Variants in AJUBA observed in about 807,000 individuals in gnomAD.
AJUBA encodes ajuba LIM protein.
A neutral mutation model predicts 53.3 loss-of-function variants in AJUBA; 20 were observed. The observed-to-expected ratio is 0.38, with a 90% CI of 0.26 to 0.55. The LOEUF (loss-of-function observed/expected upper bound fraction) is 0.55, where lower values mean the gene tolerates loss of function less well. AJUBA is among the 20% of genes least tolerant of loss of function. AJUBA has a pLI of 0.80. For missense variants in AJUBA, 580 were observed against 730.5 expected (o/e 0.79, Z 2.38); for synonymous variants, 296 against 306.2 (o/e 0.97, Z 0.35).
rs528265179 is a variant in AJUBA at position 22,982,471 on chromosome 14, G to T, written c.-205C>A. On this transcript the variant is annotated 5_prime_UTR_variant, in exon 1 of 8. Coordinates refer to ENST00000262713, the MANE Select transcript of AJUBA (RefSeq NM_032876.6). ...GGGCTGCGTCCCCCCGCGCATCTGG[G>T]GCTGAGCGGGGCTAGCAGGGTCTCT... 452 of 1,425,016 alleles carry T rather than the reference G, an allele frequency of 3.2e-4. 4 individuals carry two copies. The African/African-American group carries it at 5.8e-3, about 18-fold the overall frequency. 88.3% of individuals were successfully genotyped at this position (1,425,016 alleles called of 1,614,324 possible).
In AJUBA at chr14:22,973,239, GCC is replaced by G. The variant is rs890483335; in HGVS notation, c.*202_*203del. 8 of 771,940 alleles carry G rather than the reference GCC, an allele frequency of 1.0e-5. No individual in the cohort carries two copies. The African/African-American group carries it at 1.4e-4, about 14-fold the overall frequency. The allele number at this position is 771,940 out of a possible 1,614,324, so 47.8% of individuals were successfully genotyped here. A position where few individuals can be genotyped will look rare whatever the true frequency, so the allele number is the denominator to read the frequency against. ...TGCACACATGGGAAAAAGGCCAGTC[GCC>G]CCCACCCTGGTAAATATAAGGTTTC... On this transcript the variant is annotated 3_prime_UTR_variant, in exon 8 of 8. Coordinates refer to ENST00000262713, the MANE Select transcript of AJUBA (RefSeq NM_032876.6).
chr14:22,980,699 G>A (rs969987184), intron 1 of AJUBA: 2 of 984,538 alleles, frequency 2.0e-6, no homozygotes, highest in Admixed American at 6.2e-5. Flanking sequence ...ACTACTCCGC[G>A]TATGCTAGGG....
chr14:22,974,628 G>A (rs2045017197), intron 6 of AJUBA: 1 of 572,016 alleles, frequency 1.7e-6, no homozygotes, highest in Non-Finnish European at 3.1e-6. Context: ...TAGAAGAGAT[G>A]GAGCCTGGGC....
In AJUBA at chr14:22,981,218, C is replaced by G. The variant is rs375629237; in HGVS notation, c.1006+43G>C. The stretch of plus-strand genomic sequence containing the variant: ...GTCGGGGCAGTGGAGAACCGAATAC[C>G]GTGACGGGTCCCTTCCCGTCCCTAA... On this transcript the variant is annotated intron_variant, in intron 1 of 7. Transcript: ENST00000262713. 1.8e-4 allele frequency: 277 copies of G among 1,542,186 alleles called. 2 individuals are homozygous for G. The East Asian group carries it at 6.2e-3, about 35-fold the overall frequency.
rs2044991652 is a variant in AJUBA at position 22,972,393 on chromosome 14, C to T, written c.*1050G>A. 1 of 152,390 alleles carries T rather than the reference C, an allele frequency of 6.6e-6. No homozygotes were observed. 9.4% of individuals were successfully genotyped at this position (152,390 alleles called of 1,614,324 possible). On this transcript the variant is annotated 3_prime_UTR_variant, in exon 8 of 8. Coordinates refer to ENST00000262713, the MANE Select transcript of AJUBA (RefSeq NM_032876.6). ...GAGTGTGTGTGTGCATGAACACACC[C>T]ACACATGCATACACTGGGCTATATG...
At chr14:22,981,153 C>T (rs574191793) in intron 1 of AJUBA, 108 bp downstream of exon 1, 2 of 1,357,908 alleles carry the variant, frequency 1.5e-6, no homozygotes, top group Admixed American at 2.5e-5. Context: ...CCTAGTCCCG[C>T]GTCTTCACCT....
chr14:22,976,844 TC>T (rs1451368467), intron 2 of AJUBA, 132 bp from the exon 3 acceptor site: 1 of 1,454,410 alleles, frequency 6.9e-7, no homozygotes, highest in East Asian at 2.4e-5. Context: ...CTGCTGTCTG[TC>T]CTTCCCCGCA....
Position 22,979,112 on chromosome 14 carries a change from C to A in AJUBA, c.1007-667G>T. The A allele has an allele frequency of 7.9e-7, 1 of 1,273,146 alleles. No homozygotes were observed. Among genetic ancestry groups the A allele is most frequent in the South Asian group, 1.3e-5 (1 of 78,672 alleles). 78.9% of individuals were successfully genotyped at this position (1,273,146 alleles called of 1,614,324 possible). ...TTGAACAGGAAAGCAGGGAGAGTAG[C>A]AGAGCCCCTGATGCCTCCTAGTCAC... On this transcript the variant is annotated intron_variant, in intron 1 of 7. Transcript: ENST00000262713. This position sits in a 1 kb window ranked among gnomAD's most constrained non-coding sequence, Gnocchi z 4.0.
chr14:22,976,881 A>G, intron 2 of AJUBA, 169 bp from the exon 3 acceptor site: 1 of 1,422,510 alleles, frequency 7.0e-7, no homozygotes, highest in Non-Finnish European at 9.2e-7. Flanking sequence ...ATGCAATTCC[A>G]ATTTGCTTTG....
Position 22,974,863 on chromosome 14 carries a change from A to G in AJUBA, c.1398T>C (p.Cys466=), listed in dbSNP as rs1167647114. 6.2e-7 allele frequency: 1 copy of G among 1,613,290 alleles called. No homozygotes were observed. The highest frequency in any genetic ancestry group is 1.7e-5 in the Admixed American group (1 of 59,980). Residue 466 remains cysteine (C), a synonymous_variant, in exon 6 of 8, where the codon TGT becomes TGC. Transcript: ENST00000262713. ...CCTCAGAGGGGAGGATGGGTTGGCCACAGGCTGCACACTTAGGAGCATAAT... is the reference window on the plus strand; with the variant it reads ...CCTCAGAGGGGAGGATGGGTTGGCCGCAGGCTGCACACTTAGGAGCATAAT... ...HKNYAPKCAA[C]GQPILPSEGC... is the part of the protein sequence containing the mutation.
At chr14:22,976,367 T>A (rs887079993) in intron 4 of AJUBA, 89 bp downstream of exon 4, 2 of 1,355,852 alleles carry the variant, frequency 1.5e-6, no homozygotes, top group African/African-American at 2.9e-5. Context: ...CAGGCTTCTT[T>A]CCCCAACCTT....
rs1177393461 is a variant in AJUBA, at chr14:22,981,741, G to A, written c.526C>T (p.Pro176Ser). ...AACAGGCACGGCCCCGCTGGCAAGG[G>A]GCTCCCGTGGCGCTGGTCGTAGCCC... ...SMGYDQRHGS[P>S]LPAGPCLFGP... The change falls in exon 1 of 8, where the codon CCC becomes TCC. Residue 176 changes from proline to serine, a missense_variant. Around this residue, in one of 2 missense-constraint regions of AJUBA, gnomAD observed 430 missense variants for 471.5 expected, o/e 0.91. Transcript: ENST00000262713. 2 of 1,533,728 alleles carry A rather than the reference G, an allele frequency of 1.3e-6. No homozygotes were observed. The highest frequency in any genetic ancestry group is 1.7e-6 in the Non-Finnish European group (2 of 1,145,274).
chr14:22,978,516 C>T, intron 1 of AJUBA, 71 bp from the exon 2 acceptor site: 1 of 1,566,046 alleles, frequency 6.4e-7, no homozygotes, highest in Non-Finnish European at 8.7e-7. Context: ...TTCCTGACTG[C>T]CCTTTCCTGA....
At chr14:22,976,135 C>G (rs1347489184) in intron 4 of AJUBA, among the ~76,000 whole-genome samples, 1 of 129,424 alleles carries the variant, frequency 7.7e-6, no homozygotes, top group African/African-American at 3.1e-5. Context: ...TTTGTCAGAG[C>G]GAGACTCTGT....
chr14:22,981,874 G>A lies in AJUBA; in HGVS notation c.393C>T (p.Asp131=). The A allele has an allele frequency of 6.5e-7, 1 of 1,536,314 alleles. No individual in the cohort carries two copies. The highest frequency in any genetic ancestry group is 8.7e-7 in the Non-Finnish European group (1 of 1,146,870). Residue 131 remains aspartate, a synonymous_variant, in exon 1 of 8, where the codon GAC becomes GAT. Coordinates refer to ENST00000262713, the MANE Select transcript of AJUBA (RefSeq NM_032876.6). The part of the protein sequence containing the change: ...RSSFASSSAS[D]ASKPSSPRGS... ...CCCGGGGGCTGGACGGCTTGCTCGCGTCGCTGGCCGAGCTACTGGCGAAGC... is the reference window on the plus strand; with the variant it reads ...CCCGGGGGCTGGACGGCTTGCTCGCATCGCTGGCCGAGCTACTGGCGAAGC...
Position 22,974,961 on chromosome 14 carries a change from G to A in AJUBA, c.1370+13C>T. ...GACCCAGTTCCACACTGCATCCCAAGGGGCAGACTCACTTGTGGTAGTCGG... is the reference window on the plus strand; with the variant it reads ...GACCCAGTTCCACACTGCATCCCAAAGGGCAGACTCACTTGTGGTAGTCGG... On this transcript the variant is annotated intron_variant, in intron 5 of 7. Transcript: ENST00000262713. The A allele has an allele frequency of 6.2e-7, 1 of 1,614,022 alleles. No individual in the cohort carries two copies. Among genetic ancestry groups the A allele is most frequent in the South Asian group, 1.1e-5 (1 of 91,072 alleles).
At chr14:22,978,757 G>A (rs2045061023) in intron 1 of AJUBA, 1 of 1,206,294 alleles carries the variant, frequency 8.3e-7, no homozygotes, top group Non-Finnish European at 1.0e-6. Flanking sequence ...GTTTCTGTTG[G>A]GGAGAAAAGA....
chr14:22,976,397 C>A lies in AJUBA; in HGVS notation c.1239+59G>T. ...AACCTTCTCTCAATATCCATTTAGT[C>A]CCTGATCCCGCTCCTCAGCCTCACA... On this transcript the variant is annotated intron_variant, in intron 4 of 7. Coordinates refer to ENST00000262713, the MANE Select transcript of AJUBA (RefSeq NM_032876.6). 8 of 1,543,394 alleles carry A rather than the reference C, an allele frequency of 5.2e-6. No homozygotes were observed. The South Asian group carries it at 7.8e-5, about 15-fold the overall frequency.
At position 22,982,333 on chromosome 14, in the gene AJUBA, C is replaced by T. The variant is rs2045111397; in HGVS notation, c.-67G>A. On this transcript the variant is annotated 5_prime_UTR_variant, in exon 1 of 8. Transcript: ENST00000262713. ...CCCTGCGGCGTCTCGGCGGCCGGTT[C>T]TCTTTCCCTGCAGCCGGACTCTGGT... is the stretch of plus-strand genomic sequence containing the variant. 2 of 1,584,604 alleles carry T rather than the reference C, an allele frequency of 1.3e-6. No homozygotes were observed. The highest frequency in any genetic ancestry group is 2.7e-5 in the African/African-American group (2 of 73,626).
Sources: gnomAD v4.1 joint callset for allele counts (sites outside exome capture counted in the v4.1 genomes callset) on GRCh38, gnomAD v4.1.1 for gene constraint, gnomAD v4.1.1 regional missense constraint, Gnocchi (gnomAD v3.1) non-coding constraint, MANE v1.5 for transcripts, NCBI Gene and HGNC (gene_info 2026-07-23, HGNC 2026-07-21) for gene names.